The following EYS variants were observed in gnomAD, a reference collection of about 807,000 sequenced individuals.
EYS encodes protein eyes shut homolog.
In EYS, 250 loss-of-function variants were observed where a neutral mutation model predicts 282.1. The ratio of observed to expected loss-of-function variants is 0.89; its 90% CI spans 0.80 to 0.98. The LOEUF is 0.98. Among genes scored for constraint, EYS ranks in the 50% least tolerant of loss-of-function variants. EYS has a pLI of 0.00. For missense variants in EYS, 4,016 were observed against 3,709.0 expected (o/e 1.08, Z -2.15); for synonymous variants, 1,355 against 1,282.9 (o/e 1.06, Z -1.20).
chr6:65,383,447 C>T (rs1456824222), intron 8 of EYS, among the ~76,000 whole-genome samples: 1 of 151,686 alleles, frequency 6.6e-6, no homozygotes, highest in Non-Finnish European at 1.5e-5. Flanking sequence ...CCATATTTAA[C>T]TTCTTAGTTC....
At chr6:63,761,000 A>G (rs1769625114) in intron 41 of EYS, among the ~76,000 whole-genome samples, 1 of 151,468 alleles carries the variant, frequency 6.6e-6, no homozygotes, top group Non-Finnish European at 1.5e-5. Flanking sequence ...TATGAAAACC[A>G]TCATAATCAG....
At chr6:64,366,026 T>C (rs942373721) in intron 29 of EYS, among the ~76,000 whole-genome samples, 1 of 152,066 alleles carries the variant, frequency 6.6e-6, no homozygotes, top group Non-Finnish European at 1.5e-5. Flanking sequence ...TTTTCATCTA[T>C]ACCTTAGGAA....
At chr6:64,980,187 C>A (rs979719482) in intron 14 of EYS, among the ~76,000 whole-genome samples, 2 of 151,414 alleles carry the variant, frequency 1.3e-5, no homozygotes, top group Non-Finnish European at 3.0e-5. Context: ...AATGGCAATG[C>A]AAATTTTATT....
intron 26 of EYS, among the ~76,000 whole-genome samples, chr6:64,525,715 C>A (rs1323743653): frequency 6.6e-6 from 1 of 151,732 alleles, no homozygotes; most frequent in Admixed American, 6.6e-5. Context: ...ACAGTGACAA[C>A]ACCAAAGACT....
At position 64,903,895 on chromosome 6, in the gene EYS, T is replaced by C. The variant is rs1411155454; in HGVS notation, c.2642-1395A>G. On this transcript the variant is annotated intron_variant, in intron 16 of 42. Transcript: ENST00000503581. The stretch of plus-strand genomic sequence containing the variant: ...AAATCTGGCTGCCTCTTCGGTAGTA[T>C]ATAATATGGAAAACTAAAAGTTACT... Among the ~76,000 whole-genome samples, 3 of 152,062 alleles carry C rather than the reference T, an allele frequency of 2.0e-5. No homozygotes were observed. The East Asian group carries it at 5.8e-4, about 29-fold the overall frequency.
intron 36 of EYS, among the ~76,000 whole-genome samples, chr6:63,849,096 C>A (rs545236262): frequency 1.3e-5 from 2 of 152,292 alleles, no homozygotes; most frequent in South Asian, 2.1e-4. Flanking sequence ...CGGAGCCCAC[C>A]ACAGCACCAC....
Position 65,678,704 on chromosome 6 carries a change from T to C in EYS, c.-448+28431A>G, listed in dbSNP as rs1404061706. Among the ~76,000 whole-genome samples the C allele has an allele frequency of 2.0e-5, 3 of 151,742 alleles. No homozygotes were observed. In the East Asian group the frequency reaches 5.9e-4, roughly 30 times the overall value. ...TAGAAAACAATATTTGCAAACCATA[T>C]GTCTAATAAACAAACAGCAATATCC... On this transcript the variant is annotated intron_variant, in intron 1 of 42. Transcript: ENST00000503581.
At chr6:65,116,556 C>T (rs1322397718) in intron 12 of EYS, among the ~76,000 whole-genome samples, 1 of 151,952 alleles carries the variant, frequency 6.6e-6, no homozygotes, top group Non-Finnish European at 1.5e-5. Flanking sequence ...AAGATGCTGG[C>T]TATTGAACGT....
rs72876937 is a variant in EYS at position 64,643,203 on chromosome 6, A to C, written c.3444-16958T>G. ...AATGCACCCACTTCCTTTCTTAGGG[A>C]GAGAAGACATGTGCTTTTATCCATA... On this transcript the variant is annotated intron_variant, in intron 22 of 42. Coordinates refer to ENST00000503581, the MANE Select transcript of EYS (RefSeq NM_001142800.2). Among the ~76,000 whole-genome samples the C allele has an allele frequency of 4.0e-3, 598 of 151,156 alleles. 3 individuals are homozygous for C. The highest frequency in any genetic ancestry group is 5.1e-3 in the Non-Finnish European group (347 of 67,620).
At chr6:64,372,819 G>T (rs74486369) in intron 29 of EYS, among the ~76,000 whole-genome samples, 4,741 of 152,050 alleles carry the variant, frequency 0.031, 233 homozygotes, top group African/African-American at 0.11. Context: ...TGTTTCCTCA[G>T]TTTGGTCAAT....
chr6:64,392,962 C>T (rs974430569), intron 28 of EYS, among the ~76,000 whole-genome samples: 1 of 152,150 alleles, frequency 6.6e-6, no homozygotes, highest in Non-Finnish European at 1.5e-5. Flanking sequence ...ACCAATCCCA[C>T]AGAAATACAA....
At chr6:64,389,920 C>A (rs147507932) in intron 28 of EYS, among the ~76,000 whole-genome samples, 1 of 151,616 alleles carries the variant, frequency 6.6e-6, no homozygotes, top group Non-Finnish European at 1.5e-5. Flanking sequence ...GTGTGCACAC[C>A]GTGCGCCAGC....
intron 13 of EYS, among the ~76,000 whole-genome samples, chr6:65,015,159 G>T (rs1204680829): frequency 6.6e-6 from 1 of 152,110 alleles, no homozygotes; most frequent in Non-Finnish European, 1.5e-5. Flanking sequence ...TAATAAACTT[G>T]TGCAGTTTTA....
intron 12 of EYS, among the ~76,000 whole-genome samples, chr6:65,236,128 C>T (rs1164067164): frequency 6.6e-6 from 1 of 151,858 alleles, no homozygotes; most frequent in East Asian, 1.9e-4. Context: ...ATCAGCATTT[C>T]TTACATATGA....
In EYS at chr6:64,905,922, T is replaced by A. The variant is rs564189168; in HGVS notation, c.2642-3422A>T. Among the ~76,000 whole-genome samples the A allele has an allele frequency of 9.9e-5, 15 of 152,098 alleles. 2 individuals carry two copies. The highest frequency in any genetic ancestry group is 3.4e-4 in the African/African-American group (14 of 41,562). The stretch of plus-strand genomic sequence containing the variant: ...TGAATTCACACAAGGTAGTTAAAAA[T>A]CATATATTTTTAAATAAAAACTCAA... On this transcript the variant is annotated intron_variant, in intron 16 of 42. Coordinates refer to ENST00000503581, the MANE Select transcript of EYS (RefSeq NM_001142800.2).
At chr6:65,400,786 C>G (rs577688194) in intron 7 of EYS, among the ~76,000 whole-genome samples, 2 of 152,020 alleles carry the variant, frequency 1.3e-5, no homozygotes, top group South Asian at 4.2e-4. Flanking sequence ...CTCTATTCTT[C>G]TCCTTTCCAC....
At chr6:64,642,088 G>C (rs9345336) in intron 22 of EYS, among the ~76,000 whole-genome samples, 90,852 of 151,962 alleles carry the variant, frequency 0.6, 27,350 homozygotes, top group South Asian at 0.66. Flanking sequence ...AAAGATTCTG[G>C]CTCCTTGATG....
At chr6:65,548,101 C>G (rs1420172798) in intron 2 of EYS, among the ~76,000 whole-genome samples, 1 of 152,126 alleles carries the variant, frequency 6.6e-6, no homozygotes, top group African/African-American at 2.4e-5. Flanking sequence ...ATAGTTTATT[C>G]TTAAATTATA....
intron 12 of EYS, among the ~76,000 whole-genome samples, chr6:65,143,651 T>A (rs1376970514): frequency 1.3e-5 from 2 of 152,084 alleles, no homozygotes; most frequent in Non-Finnish European, 2.9e-5. Context: ...GGTTTTGTTA[T>A]CCTCCAAGAC....
Sources: allele counts gnomAD v4.1 joint callset (sites outside exome capture counted in the v4.1 genomes callset), GRCh38; gene constraint gnomAD v4.1.1; transcripts MANE v1.5; gene names NCBI Gene and HGNC (gene_info 2026-07-23, HGNC 2026-07-21).